The following SPAM1 variants were observed in gnomAD, a reference collection of about 807,000 sequenced individuals.
SPAM1 encodes the protein hyaluronidase PH-20.
Under a neutral mutation model 29.6 loss-of-function variants are expected in SPAM1, and 22 were observed. The ratio of observed to expected loss-of-function variants is 0.74; its 90% CI spans 0.53 to 1.06. The LOEUF is 1.06. SPAM1 is among the 50% of genes least tolerant of loss of function. SPAM1 has a pLI of 0.00. For synonymous variants in SPAM1, 194 were observed against 204.6 expected (o/e 0.95, Z 0.44); for missense variants, 534 against 604.0 (o/e 0.88, Z 1.21).
chr7:123,940,062 A>C (rs1808382528), intron 1 of SPAM1, among the ~76,000 whole-genome samples: 1 of 150,562 alleles, frequency 6.6e-6, no homozygotes, highest in Non-Finnish European at 1.5e-5. Flanking sequence ...TTTCTGAATT[A>C]AATCTGTTTT....
chr7:123,967,950 G>C (rs1792449402), intron 5 of SPAM1, among the ~76,000 whole-genome samples: 1 of 151,994 alleles, frequency 6.6e-6, no homozygotes, highest in South Asian at 2.1e-4. Flanking sequence ...AAGTATTAGG[G>C]ATAGAGAGAA....
intron 6 of SPAM1, chr7:123,970,977 T>G (rs1462116617): frequency 2.0e-5 from 3 of 151,942 alleles, no homozygotes; most frequent in Non-Finnish European, 4.4e-5. Context: ...TTTACTCAGC[T>G]AACTCTGTCT....
At chr7:123,929,461 T>C (rs1008757797) in intron 1 of SPAM1, among the ~76,000 whole-genome samples, 24 of 152,132 alleles carry the variant, frequency 1.6e-4, no homozygotes, top group African/African-American at 5.8e-4. Context: ...CCAATCAAAA[T>C]CACTATGAGG....
chr7:123,955,053 A>G lies in SPAM1; in HGVS notation c.1011A>G (p.Val337=), dbSNP rs1305481336. ...TTGCTCTGGGTGCTTCTGGAATTGTAATATGGGGAACCCTCAGTATAATGC... is the reference window on the plus strand; with the variant it reads ...TTGCTCTGGGTGCTTCTGGAATTGTGATATGGGGAACCCTCAGTATAATGC... The part of the protein sequence containing the change: ...ETVALGASGI[V]IWGTLSIMRS... The change falls in exon 4 of 5, where the codon GTA becomes GTG. Residue 337 remains valine (V), a synonymous_variant. Transcript: ENST00000682466. 1 of 1,611,234 alleles carries G rather than the reference A, an allele frequency of 6.2e-7. No homozygotes were observed.
intron 2 of SPAM1, among the ~76,000 whole-genome samples, chr7:123,952,578 A>G (rs1368641628): frequency 6.6e-6 from 1 of 152,126 alleles, no homozygotes; most frequent in Non-Finnish European, 1.5e-5. Context: ...TAATACAGCT[A>G]AAGTATGTGC....
At position 123,959,740 on chromosome 7, in the gene SPAM1, AT is replaced by A. The variant is rs1441472162; in HGVS notation, c.1303del (p.Cys435AlafsTer7). 6.2e-7 allele frequency: 1 copy of A among 1,613,310 alleles called. No homozygotes were observed. Among genetic ancestry groups the A allele is most frequent in the South Asian group, 1.1e-5 (1 of 91,066 alleles). On this transcript the variant is annotated frameshift_variant, in exon 5 of 5. Coordinates refer to ENST00000682466, the MANE Select transcript of SPAM1 (RefSeq NM_153189.3). LOFTEE classifies it low-confidence loss of function (END_TRUNC). ...EDLEQFSEKFYCSCYSTLSCK... is the reference protein window; with the variant it reads ...EDLEQFSEKFXCSCYSTLSCK... ...CTGGAGCAATTTTCTGAAAAATTTTATTGCAGCTGTTATAGCACCTTGAGTT... is the reference window on the plus strand; with the variant it reads ...CTGGAGCAATTTTCTGAAAAATTTTATGCAGCTGTTATAGCACCTTGAGTT...
At chr7:123,957,788 G>T (rs1792279236) in intron 4 of SPAM1, among the ~76,000 whole-genome samples, 1 of 151,974 alleles carries the variant, frequency 6.6e-6, no homozygotes, top group Non-Finnish European at 1.5e-5. Context: ...TTATCTGGCT[G>T]GCTACTGGCA....
At chr7:123,970,851 G>T (rs1792489650) in intron 6 of SPAM1, among the ~76,000 whole-genome samples, 1 of 151,972 alleles carries the variant, frequency 6.6e-6, no homozygotes, top group South Asian at 2.1e-4. Context: ...CGTCCTCCCA[G>T]TCTGGTATTC....
intron 5 of SPAM1, among the ~76,000 whole-genome samples, chr7:123,966,475 G>A (rs1293334832): frequency 6.6e-6 from 1 of 151,996 alleles, no homozygotes; most frequent in Non-Finnish European, 1.5e-5. Context: ...GCACATGTAC[G>A]TTCATTGCAG....
Position 123,970,132 on chromosome 7 carries a change from T to A in SPAM1, c.1486-66T>A. The A allele has an allele frequency of 2.6e-6, 4 of 1,520,306 alleles. No homozygotes were observed. The South Asian group carries it at 4.9e-5, about 18-fold the overall frequency. The allele number at this position is 1,520,306 out of a possible 1,614,324, so 94.2% of individuals were successfully genotyped here. ...CTCCATTAGTTTGCTAGTGATGCTA[T>A]AACAAAGTGCCACAGACTAGGTGGC... On this transcript the variant is annotated intron_variant, in intron 5 of 6. Transcript: ENST00000340011.
intron 2 of SPAM1, among the ~76,000 whole-genome samples, chr7:123,951,715 AG>A (rs1187615598): frequency 3.3e-5 from 5 of 152,022 alleles, no homozygotes; most frequent in African/African-American, 1.2e-4. Flanking sequence ...TCTGCCTCCC[AG>A]GTTCAAGTGA....
intron 1 of SPAM1, among the ~76,000 whole-genome samples, chr7:123,945,014 CCTT>C (rs943998130): frequency 7.3e-5 from 11 of 151,602 alleles, no homozygotes; most frequent in African/African-American, 2.2e-4. Flanking sequence ...TTTTCATAAA[CCTT>C]CTTATTATGA....
chr7:123,939,463 A>G (rs1031572682), intron 1 of SPAM1, among the ~76,000 whole-genome samples: 2 of 152,114 alleles, frequency 1.3e-5, no homozygotes, highest in Non-Finnish European at 2.9e-5. Context: ...AAGACATACT[A>G]GTCTTCTGAA....
chr7:123,947,352 C>G (rs1808609841), intron 1 of SPAM1, among the ~76,000 whole-genome samples: 1 of 151,968 alleles, frequency 6.6e-6, no homozygotes, highest in African/African-American at 2.4e-5. Context: ...AGTTCCAGAC[C>G]AGCCTGGATG....
chr7:123,928,762 G>A (rs942368480), intron 1 of SPAM1, among the ~76,000 whole-genome samples: 10 of 152,098 alleles, frequency 6.6e-5, no homozygotes, highest in Admixed American at 5.2e-4. Context: ...GATTGTTTAA[G>A]CTTTCCTTTC....
intron 3 of SPAM1, among the ~76,000 whole-genome samples, 176 bp downstream of exon 3, chr7:123,954,700 T>A (rs1326806629): frequency 6.6e-6 from 1 of 152,034 alleles, no homozygotes; most frequent in Non-Finnish European, 1.5e-5. Flanking sequence ...TAATCTTTAA[T>A]GTAATCTCTT....
chr7:123,952,210 A>AG (rs953974611), intron 2 of SPAM1, among the ~76,000 whole-genome samples: 3 of 152,144 alleles, frequency 2.0e-5, no homozygotes, highest in African/African-American at 7.2e-5. Context: ...TCTAAACATG[A>AG]GGGAAAATTC....
In SPAM1 at chr7:123,953,952, A is replaced by G; in HGVS notation, c.382A>G (p.Lys128Glu). The G allele has an allele frequency of 1.9e-6, 3 of 1,613,804 alleles. No homozygotes were observed. Among genetic ancestry groups the G allele is most frequent in the South Asian group, 1.1e-5 (1 of 91,076 alleles). Residue 128 changes from lysine (K) to glutamate (E), a missense_variant, in exon 3 of 5, where the codon AAG becomes GAG. Transcript: ENST00000682466. Reference sequence around the variant, plus strand: ...CTTACAAGACCATCTGGACAAAGCTAAGAAAGACATTACATTTTATATGCC... The same window carrying G: ...CTTACAAGACCATCTGGACAAAGCTGAGAAAGACATTACATTTTATATGCC... ...ISLQDHLDKA[K>E]KDITFYMPVD...
At position 123,954,117 on chromosome 7, in the gene SPAM1, G is replaced by A; in HGVS notation, c.547G>A (p.Glu183Lys). 6.2e-7 allele frequency: 1 copy of A among 1,612,900 alleles called. No homozygotes were observed. Among genetic ancestry groups the A allele is most frequent in the Non-Finnish European group, 8.5e-7 (1 of 1,179,526 alleles). Reference protein sequence around the residue: ...QQQNVQLSLTEATEKAKQEFE... With the variant: ...QQQNVQLSLTKATEKAKQEFE... ...ACAAAATGTACAACTTAGTCTCACAGAGGCCACTGAGAAAGCAAAACAAGA... is the reference window on the plus strand; with the variant it reads ...ACAAAATGTACAACTTAGTCTCACAAAGGCCACTGAGAAAGCAAAACAAGA... Residue 183 changes from glutamate (E) to lysine (K), a missense_variant, in exon 3 of 5, where the codon GAG becomes AAG. Coordinates refer to ENST00000682466, the MANE Select transcript of SPAM1 (RefSeq NM_153189.3).
Sources: allele counts gnomAD v4.1 joint callset (sites outside exome capture counted in the v4.1 genomes callset), GRCh38; gene constraint gnomAD v4.1.1; transcripts MANE v1.5; gene names NCBI Gene and HGNC (gene_info 2026-07-23, HGNC 2026-07-21).